Variants in TMEM132C observed in about 807,000 individuals in gnomAD.
TMEM132C encodes protein phosphatase 1, regulatory subunit 152.
Under a neutral mutation model 61.4 loss-of-function variants are expected in TMEM132C, and 29 were observed. The observed-to-expected ratio is 0.47, with a 90% CI of 0.35 to 0.64. The LOEUF (loss-of-function observed/expected upper bound fraction) is 0.64. Among genes scored for constraint, TMEM132C ranks in the 30% least tolerant of loss-of-function variants. The pLI is 0.00. For missense variants in TMEM132C, 1,408 were observed against 1,476.9 expected, an observed-to-expected ratio of 0.95 and a Z score of 0.76; for synonymous variants, 656 against 633.1, an observed-to-expected ratio of 1.04 and a Z score of -0.54.
At chr12:128,325,181 A>G (rs1437883212) in intron 1 of TMEM132C, among the ~76,000 whole-genome samples, 3 of 152,206 alleles carry the variant, frequency 2.0e-5, no homozygotes, top group Admixed American at 2.0e-4. Flanking sequence ...TTATTGTCAC[A>G]GTAAGTGCTA....
Position 128,605,130 on chromosome 12 carries a change from G to C in TMEM132C, c.1122-11022G>C, listed in dbSNP as rs75183301. Among the ~76,000 whole-genome samples the C allele has an allele frequency of 5.0e-3, 749 of 149,728 alleles. 10 individuals carry two copies. Among genetic ancestry groups the C allele is most frequent in the African/African-American group, 0.017 (669 of 39,236 alleles). On this transcript the variant is annotated intron_variant, in intron 3 of 8. Coordinates refer to ENST00000435159, the MANE Select transcript of TMEM132C (RefSeq NM_001136103.3). ...CAGATAAATGATAGATAGATAGATAGATAGATACATAGATACATAGATACA... is the reference window on the plus strand; with the variant it reads ...CAGATAAATGATAGATAGATAGATACATAGATACATAGATACATAGATACA...
chr12:128,377,405 C>G (rs1315128345), intron 1 of TMEM132C, among the ~76,000 whole-genome samples: 3 of 152,142 alleles, frequency 2.0e-5, no homozygotes, highest in Non-Finnish European at 2.9e-5. Flanking sequence ...TCAGCGGGCT[C>G]ACTACAGAAC....
chr12:128,535,020 T>C (rs1873466594), intron 2 of TMEM132C, among the ~76,000 whole-genome samples: 1 of 152,214 alleles, frequency 6.6e-6, no homozygotes, highest in African/African-American at 2.4e-5. Flanking sequence ...TTTCCAGCAG[T>C]AGAAGTAGAA....
At chr12:128,314,938 G>A (rs578072405) in intron 1 of TMEM132C, among the ~76,000 whole-genome samples, 24 of 152,308 alleles carry the variant, frequency 1.6e-4, no homozygotes, top group Non-Finnish European at 2.9e-4. Context: ...CATTCCAGCT[G>A]TCCAGCCTGT....
chr12:128,408,393 C>T (rs888437903), intron 1 of TMEM132C, among the ~76,000 whole-genome samples: 6 of 152,142 alleles, frequency 3.9e-5, no homozygotes, highest in Non-Finnish European at 4.4e-5. Flanking sequence ...GGTGAATGCT[C>T]CCACTGCAGA....
At chr12:128,603,486 A>C (rs984966414) in intron 3 of TMEM132C, among the ~76,000 whole-genome samples, 4 of 152,102 alleles carry the variant, frequency 2.6e-5, no homozygotes, top group African/African-American at 9.7e-5. Flanking sequence ...ACCTGCACCC[A>C]CTTGTGCCTC....
At chr12:128,580,338 A>G (rs1593107367) in intron 3 of TMEM132C, among the ~76,000 whole-genome samples, 1 of 152,040 alleles carries the variant, frequency 6.6e-6, no homozygotes, top group Non-Finnish European at 1.5e-5. Context: ...GGAGAATGGC[A>G]TGAACCTGGG....
chr12:128,503,500 G>A (rs1872250391), intron 2 of TMEM132C, among the ~76,000 whole-genome samples: 1 of 152,138 alleles, frequency 6.6e-6, no homozygotes, highest in African/African-American at 2.4e-5. Flanking sequence ...GGATTGGGCT[G>A]GACTTCTAAC....
At chr12:128,314,755 T>G (rs377006313) in intron 1 of TMEM132C, among the ~76,000 whole-genome samples, 2 of 152,012 alleles carry the variant, frequency 1.3e-5, no homozygotes, top group African/African-American at 4.8e-5. Context: ...GCACAGATGC[T>G]CCCTCGTGGC....
intron 5 of TMEM132C, among the ~76,000 whole-genome samples, chr12:128,670,393 A>G (rs1379585912): frequency 6.6e-6 from 1 of 152,130 alleles, no homozygotes; most frequent in Non-Finnish European, 1.5e-5. Flanking sequence ...CTCCTGTCTA[A>G]CTGATATTTT....
chr12:128,378,208 C>T (rs926760314), intron 1 of TMEM132C, among the ~76,000 whole-genome samples: 10 of 151,802 alleles, frequency 6.6e-5, no homozygotes, highest in African/African-American at 2.2e-4. Context: ...TCCGCCTCCC[C>T]GGTTCACGCC....
At chr12:128,433,993 C>A (rs1410408846) in intron 2 of TMEM132C, among the ~76,000 whole-genome samples, 1 of 152,202 alleles carries the variant, frequency 6.6e-6, no homozygotes. Flanking sequence ...TGGGAATATT[C>A]TTTTAGGATG....
rs35380911 is a variant in TMEM132C, at chr12:128,544,229, T to A, written c.1121+126T>A. 41 of 1,321,832 alleles carry A rather than the reference T, an allele frequency of 3.1e-5. 1 individual carries two copies. The South Asian group carries it at 6.6e-4, about 21-fold the overall frequency. 81.9% of individuals were successfully genotyped at this position (1,321,832 alleles called of 1,614,324 possible). A position where few individuals can be genotyped will look rare whatever the true frequency, so the allele number is the denominator to read the frequency against. ...CAGAGGAGCTATTGAACCCACCACG[T>A]GGAAATCTGGAGGCATTGATATCCA... On this transcript the variant is annotated intron_variant, in intron 3 of 8. Coordinates refer to ENST00000435159, the MANE Select transcript of TMEM132C (RefSeq NM_001136103.3).
At chr12:128,354,001 G>A (rs1437713437) in intron 1 of TMEM132C, among the ~76,000 whole-genome samples, 1 of 152,218 alleles carries the variant, frequency 6.6e-6, no homozygotes, top group African/African-American at 2.4e-5. Context: ...ATGCTGTAAT[G>A]ATGTTTCTGT....
intron 2 of TMEM132C, among the ~76,000 whole-genome samples, chr12:128,432,004 C>A (rs2136039350): frequency 6.6e-6 from 1 of 152,210 alleles, no homozygotes; most frequent in South Asian, 2.1e-4. Context: ...CTGTCTGTGT[C>A]GATAAATGGA....
At chr12:128,657,807 G>A (rs1246000354) in intron 4 of TMEM132C, among the ~76,000 whole-genome samples, 1 of 152,154 alleles carries the variant, frequency 6.6e-6, no homozygotes, top group Non-Finnish European at 1.5e-5. Context: ...GGTGAATCAG[G>A]ACATTCAAAT....
At position 128,573,368 on chromosome 12, in the gene TMEM132C, T is replaced by C. The variant is rs994905148; in HGVS notation, c.1121+29265T>C. On this transcript the variant is annotated intron_variant, in intron 3 of 8. Transcript: ENST00000435159. Reference sequence around the variant, plus strand: ...ATCACAAGGACAGAAAACCAAACACTGCATGTTCTCACTCATAGGTGGGAA... The same window carrying C: ...ATCACAAGGACAGAAAACCAAACACCGCATGTTCTCACTCATAGGTGGGAA... 6.2e-4 allele frequency among the ~76,000 whole-genome samples: 94 copies of C among 151,628 alleles called. 1 individual carries two copies. The highest frequency in any genetic ancestry group is 3.2e-3 in the Admixed American group (48 of 15,230).
At chr12:128,423,273 G>C (rs138652212) in intron 2 of TMEM132C, among the ~76,000 whole-genome samples, 2 of 152,160 alleles carry the variant, frequency 1.3e-5, no homozygotes, top group Non-Finnish European at 2.9e-5. Flanking sequence ...TTTCCTAGCT[G>C]TGGGGTATGG....
chr12:128,352,001 C>T (rs1162513400), intron 1 of TMEM132C, among the ~76,000 whole-genome samples: 2 of 152,262 alleles, frequency 1.3e-5, no homozygotes, highest in East Asian at 3.9e-4. Flanking sequence ...AGCCAGTGTT[C>T]CTGTCTGAAG....
Sources: gnomAD v4.1 joint callset for allele counts (sites outside exome capture counted in the v4.1 genomes callset) on GRCh38, gnomAD v4.1.1 for gene constraint, MANE v1.5 for transcripts, NCBI Gene and HGNC (gene_info 2026-07-23, HGNC 2026-07-21) for gene names.